The following MAP4K3 variants were observed in gnomAD, a reference collection of about 807,000 sequenced individuals.
MAP4K3 encodes the protein mitogen-activated protein kinase kinase kinase kinase 3, also known as MAPK/ERK kinase kinase kinase 3.
MAP4K3 carries 94 observed loss-of-function variants against 143.5 expected under a neutral mutation model. The ratio of observed to expected loss-of-function variants is 0.65; its 90% confidence interval spans 0.55 to 0.78. The LOEUF is 0.78. MAP4K3 is among the 30% of genes least tolerant of loss of function. The pLI is 0.00. For missense variants in MAP4K3, 1,077 were observed against 1,068.1 expected (o/e 1.01, Z -0.12); for synonymous variants, 416 against 347.2 (o/e 1.20, Z -2.20).
intron 28 of MAP4K3, 119 bp downstream of exon 28, chr2:39,265,084 A>C (rs756925408): frequency 2.7e-6 from 2 of 750,748 alleles, no homozygotes; most frequent in Non-Finnish European, 2.2e-6. Context: ...CAACCCTGCC[A>C]CATTATCTAA....
At chr2:39,429,014 G>A (rs1358664583) in intron 1 of MAP4K3, among the ~76,000 whole-genome samples, 1 of 115,604 alleles carries the variant, frequency 8.7e-6, no homozygotes. Context: ...GCAGCGACCC[G>A]AAATAGCGCC....
chr2:39,296,974 T>C (rs1388085891), intron 16 of MAP4K3, among the ~76,000 whole-genome samples: 18 of 152,252 alleles, frequency 1.2e-4, no homozygotes, highest in Non-Finnish European at 2.6e-4. Flanking sequence ...GGAAAAGCCA[T>C]CTGGCATTTA....
chr2:39,263,039 C>A (rs1007206406), intron 28 of MAP4K3, among the ~76,000 whole-genome samples: 2 of 151,812 alleles, frequency 1.3e-5, no homozygotes, highest in African/African-American at 4.8e-5. Flanking sequence ...GTGCAGTGAG[C>A]TGAGATCATG....
Position 39,292,749 on chromosome 2 carries a change from AC to A in MAP4K3, c.1271+23del, listed in dbSNP as rs143541023. ...AGGTCAAATGACACCTTTTCTTTTT[AC>A]CAAAAACAGAGACAGAACTTACTGT... On this transcript the variant is annotated intron_variant, in intron 18 of 33. Transcript: ENST00000263881. The A allele has an allele frequency of 1.8e-3, 2,895 of 1,605,452 alleles. 98 individuals carry two copies. In the East Asian group the frequency reaches 0.054, roughly 30 times the overall value.
chr2:39,267,049 G>A, intron 27 of MAP4K3, 140 bp downstream of exon 27: 1 of 724,920 alleles, frequency 1.4e-6, no homozygotes, highest in East Asian at 2.6e-5. Flanking sequence ...TCTACACAGA[G>A]ATGAAACAGC....
At chr2:39,267,678 CCAA>C (rs1558610300) in intron 26 of MAP4K3, among the ~76,000 whole-genome samples, 1 of 34,318 alleles carries the variant, frequency 2.9e-5, no homozygotes, top group Non-Finnish European at 7.2e-5. Context: ...AACTCGGTCT[CCAA>C]AAAAAAAAAA....
At chr2:39,380,946 C>G (rs1666341366) in intron 1 of MAP4K3, among the ~76,000 whole-genome samples, 1 of 152,106 alleles carries the variant, frequency 6.6e-6, no homozygotes, top group African/African-American at 2.4e-5. Context: ...CAAAAAGAAA[C>G]CCCAGACCCA....
At chr2:39,367,238 A>G (rs939870755) in intron 2 of MAP4K3, among the ~76,000 whole-genome samples, 5 of 152,174 alleles carry the variant, frequency 3.3e-5, no homozygotes, top group African/African-American at 1.2e-4. Flanking sequence ...TCCCTTGCTC[A>G]AACTATCTAA....
intron 2 of MAP4K3, among the ~76,000 whole-genome samples, chr2:39,371,227 A>C (rs1332030908): frequency 6.6e-6 from 1 of 152,218 alleles, no homozygotes; most frequent in African/African-American, 2.4e-5. Context: ...AAGTGAGGTG[A>C]AATTTAAATG....
At chr2:39,377,589 T>C (rs967932032) in intron 2 of MAP4K3, among the ~76,000 whole-genome samples, 1 of 152,142 alleles carries the variant, frequency 6.6e-6, no homozygotes, top group African/African-American at 2.4e-5. Context: ...ACTGCTGGGA[T>C]AGCAATGAAA....
chr2:39,293,742 G>C (rs763914445), intron 16 of MAP4K3: 3 of 159,274 alleles, frequency 1.9e-5, no homozygotes, highest in Non-Finnish European at 2.7e-5. Context: ...CCTACAAAAT[G>C]AAACTCACCA....
intron 1 of MAP4K3, among the ~76,000 whole-genome samples, chr2:39,407,320 C>T (rs1341018319): frequency 6.6e-6 from 1 of 150,864 alleles, no homozygotes; most frequent in Non-Finnish European, 1.5e-5. Flanking sequence ...GGAAGAATGT[C>T]TGCTCTCACC....
At chr2:39,426,913 G>C (rs1665105319) in intron 1 of MAP4K3, among the ~76,000 whole-genome samples, 1 of 151,946 alleles carries the variant, frequency 6.6e-6, no homozygotes, top group African/African-American at 2.4e-5. Flanking sequence ...GGGGAAGAAA[G>C]GTATCAAAGA....
chr2:39,270,652 C>T (rs190741618), intron 26 of MAP4K3, among the ~76,000 whole-genome samples: 2 of 152,006 alleles, frequency 1.3e-5, no homozygotes, highest in African/African-American at 2.4e-5. Flanking sequence ...AATGATACAA[C>T]TGTACTTGAA....
chr2:39,293,186 T>A (rs1192430209), intron 17 of MAP4K3, 44 bp downstream of exon 17: 2 of 1,360,858 alleles, frequency 1.5e-6, no homozygotes, highest in East Asian at 4.9e-5. Context: ...CTGACTTTAC[T>A]TGTCTGTGAC....
intron 3 of MAP4K3, among the ~76,000 whole-genome samples, chr2:39,352,083 G>C (rs775002878): frequency 2.0e-5 from 3 of 152,142 alleles, no homozygotes; most frequent in African/African-American, 4.8e-5. Context: ...ACAAGGTCAG[G>C]AGTTAAAGAC....
chr2:39,251,861 T>A lies in MAP4K3; in HGVS notation c.2566A>T (p.Thr856Ser). The change falls in exon 33 of 34, where the codon ACA becomes TCA. Residue 856 changes from threonine (T) to serine (S), a missense_variant. Physicochemically the swap from Thr to Ser is moderately conservative, Grantham distance 58. This residue lies in a region of MAP4K3 where 864 missense variants were observed against 801.2 expected (regional missense o/e 1.08). Coordinates refer to ENST00000263881, the MANE Select transcript of MAP4K3 (RefSeq NM_003618.4). ...GATCCAAGCAGCCTGAAAATTCTTG[T>A]GCTATCTGAAATTTCTTGTGTTACC... is the stretch of plus-strand genomic sequence containing the variant. ...NEVTQEISDS[T>S]RIFRLLGSDR... 1 of 1,613,692 alleles carries A rather than the reference T, an allele frequency of 6.2e-7. No homozygotes were observed. Among genetic ancestry groups the A allele is most frequent in the South Asian group, 1.1e-5 (1 of 91,038 alleles).
Position 39,288,141 on chromosome 2 carries a change from G to A in MAP4K3, c.1454C>T (p.Pro485Leu). Residue 485 changes from proline to leucine, a missense_variant, in exon 20 of 34, where the codon CCA (proline) becomes CTA (leucine). Physicochemically the swap from Pro to Leu is moderately conservative, Grantham distance 98. Around this residue, in one of 2 missense-constraint regions of MAP4K3, gnomAD observed 864 missense variants for 801.2 expected, o/e 1.08. Coordinates refer to ENST00000263881, the MANE Select transcript of MAP4K3 (RefSeq NM_003618.4). Reference protein sequence around the residue: ...PPRPPPPRLPPHKPVALGNGM... With the variant: ...PPRPPPPRLPLHKPVALGNGM... ...ATTACCTAAGGCAACAGGTTTGTGT[G>A]GGGGTAATCTGGGAGGTGGTGGTCT... 6.2e-7 allele frequency: 1 copy of A among 1,614,108 alleles called. No homozygotes were observed. Among genetic ancestry groups the A allele is most frequent in the Non-Finnish European group, 8.5e-7 (1 of 1,180,000 alleles).
At chr2:39,299,616 G>A (rs1415445031) in intron 16 of MAP4K3, 127 bp downstream of exon 16, 1 of 447,918 alleles carries the variant, frequency 2.2e-6, no homozygotes, top group Non-Finnish European at 3.9e-6. Context: ...GGAAAAAGGT[G>A]AAATGCATAT....
Sources: allele counts gnomAD v4.1 joint callset (sites outside exome capture counted in the v4.1 genomes callset), GRCh38; gene constraint gnomAD v4.1.1; regional missense constraint gnomAD v4.1.1; transcripts MANE v1.5; gene names NCBI Gene and HGNC (gene_info 2026-07-23, HGNC 2026-07-21).